The following NLRP7 variants were observed in gnomAD, a reference collection of about 807,000 sequenced individuals.
The protein encoded by NLRP7 is NACHT, LRR and PYD domains-containing protein 7.
Under a neutral mutation model 85.5 loss-of-function variants are expected in NLRP7, and 72 were observed. That is an observed-to-expected ratio of 0.84 (90% CI 0.70 to 1.02). The LOEUF is 1.02. NLRP7 is among the 50% of genes least tolerant of loss of function. The pLI, the probability that NLRP7 is intolerant of heterozygous loss-of-function variation, is 0.00. For synonymous variants in NLRP7, 550 were observed against 505.2 expected (o/e 1.09, Z -1.19); for missense variants, 1,243 against 1,219.5 (o/e 1.02, Z -0.29).
At chr19:54,940,676 ACAT>A (rs1022508147) in intron 3 of NLRP7, among the ~76,000 whole-genome samples, 1 of 151,846 alleles carries the variant, frequency 6.6e-6, no homozygotes, top group African/African-American at 2.4e-5. Flanking sequence ...AAAATACAAA[ACAT>A]TAGCTGGGGG....
At chr19:54,951,487 T>A (rs1455610502), upstream of NLRP7, among the ~76,000 whole-genome samples, 2 of 151,720 alleles carry the variant, frequency 1.3e-5, no homozygotes, top group African/African-American at 2.4e-5. Context: ...GAGGCAGAGG[T>A]TGCAGTGAGC....
At chr19:54,928,994 C>T (rs1226117387) in intron 9 of NLRP7, among the ~76,000 whole-genome samples, 1 of 152,040 alleles carries the variant, frequency 6.6e-6, no homozygotes, top group Non-Finnish European at 1.5e-5. Flanking sequence ...CACCCGTTTG[C>T]ATTGAGCTTT....
At chr19:54,925,199 G>A (rs181389138) in intron 9 of NLRP7, among the ~76,000 whole-genome samples, 3 of 152,094 alleles carry the variant, frequency 2.0e-5, no homozygotes, top group East Asian at 1.9e-4. Flanking sequence ...AAAGAAATAC[G>A]CCCCAAACAT....
At position 54,928,792 on chromosome 19, in the gene NLRP7, T is replaced by C. The variant is rs2068550973; in HGVS notation, c.2810+1707A>G. Among the ~76,000 whole-genome samples, 13 of 135,030 alleles carry C rather than the reference T, an allele frequency of 9.6e-5. No individual in the cohort carries two copies. In the South Asian group the frequency reaches 3.4e-3, roughly 35 times the overall value. The allele number at this position is 135,030 out of a possible 152,430, so 88.6% of individuals were successfully genotyped here. ...TCCCCCATAAGGCCCTGTAGGCCACTGTAGAAGCCTTTGGTTTTGTTTTTT... is the reference window on the plus strand; with the variant it reads ...TCCCCCATAAGGCCCTGTAGGCCACCGTAGAAGCCTTTGGTTTTGTTTTTT... On this transcript the variant is annotated intron_variant, in intron 9 of 9. Transcript: ENST00000340844.
intron 5 of NLRP7, among the ~76,000 whole-genome samples, chr19:54,936,810 G>T (rs2068948945): frequency 6.6e-6 from 1 of 152,174 alleles, no homozygotes; most frequent in South Asian, 2.1e-4. Context: ...AGGTATTCGG[G>T]AGGCTGAGGT....
chr19:54,929,372 A>C (rs2068576300), intron 9 of NLRP7, among the ~76,000 whole-genome samples: 1 of 149,766 alleles, frequency 6.7e-6, no homozygotes, highest in East Asian at 2.0e-4. Flanking sequence ...CTGAAAAAAG[A>C]AAAAAAGTAC....
chr19:54,956,671 G>A (rs1456404306), intron 1 of NLRP7, among the ~76,000 whole-genome samples: 1 of 149,762 alleles, frequency 6.7e-6, no homozygotes, highest in Non-Finnish European at 1.5e-5. Flanking sequence ...TCCAGCCTGG[G>A]AGACAGAGCA....
intron 8 of NLRP7, among the ~76,000 whole-genome samples, chr19:54,932,695 G>A (rs1157871635): frequency 3.3e-5 from 5 of 151,706 alleles, no homozygotes; most frequent in South Asian, 2.1e-4. Context: ...TCACTCTGTC[G>A]CCCGGGCTGG....
At chr19:54,951,591 A>G (rs948619540), upstream of NLRP7, among the ~76,000 whole-genome samples, 6 of 151,960 alleles carry the variant, frequency 3.9e-5, no homozygotes, top group Non-Finnish European at 7.4e-5. Flanking sequence ...ACAAAAAATG[A>G]AAACCCACTT....
chr19:54,945,062 AC>A (rs1022939266), intron 1 of NLRP7, among the ~76,000 whole-genome samples: 1 of 150,884 alleles, frequency 6.6e-6, no homozygotes, highest in African/African-American at 2.4e-5. Flanking sequence ...ACACGGTGAA[AC>A]CCCGTCTCTA....
chr19:54,956,786 C>A (rs114953579), intron 1 of NLRP7, among the ~76,000 whole-genome samples: 2 of 151,562 alleles, frequency 1.3e-5, no homozygotes, highest in African/African-American at 4.8e-5. Context: ...CCCAACACCA[C>A]GCCTTCTAAT....
intron 6 of NLRP7, among the ~76,000 whole-genome samples, chr19:54,935,237 A>T (rs150622513): frequency 6.9e-5 from 10 of 145,040 alleles, no homozygotes; most frequent in South Asian, 2.1e-4. Flanking sequence ...GGAAAAAAAA[A>T]TTTTTTTTTT....
upstream of NLRP7, among the ~76,000 whole-genome samples, chr19:54,951,438 T>TCGAGAGGCTGAGGCAGAATTGTTTGAACC (rs2069665310): frequency 6.6e-6 from 1 of 151,756 alleles, no homozygotes; most frequent in African/African-American, 2.4e-5. Context: ...TCCCAGCTAC[T>TCGAGAGGCTGAGGCAGAATTGTTTGAACC]CGAGAGGCTG....
Position 54,927,788 on chromosome 19 carries a change from A to G in NLRP7, c.2810+2711T>C. On this transcript the variant is annotated intron_variant, in intron 9 of 9. Coordinates refer to ENST00000340844, the Ensembl canonical transcript of NLRP7. ...GCAGCTCCAGAGGCTGTTGAGGAAG[A>G]ACATGGAAATCCACGCATTCACTGA... 4.3e-6 allele frequency: 7 copies of G among 1,612,938 alleles called. No homozygotes were observed. The highest frequency in any genetic ancestry group is 5.9e-6 in the Non-Finnish European group (7 of 1,178,998).
intron 1 of NLRP7, chr19:54,953,031 G>C (rs1024431400): frequency 6.6e-6 from 1 of 151,942 alleles, no homozygotes; most frequent in Non-Finnish European, 1.5e-5. Flanking sequence ...ACCTACTTGC[G>C]AGGCTGAGGC....
At chr19:54,943,110 G>T (rs1243244942) in intron 1 of NLRP7, among the ~76,000 whole-genome samples, 1 of 151,506 alleles carries the variant, frequency 6.6e-6, no homozygotes, top group African/African-American at 2.4e-5. Context: ...TAGCGCCATT[G>T]TACTCCAGCC....
intron 9 of NLRP7, among the ~76,000 whole-genome samples, chr19:54,926,916 T>TAAAAA (rs74177884): frequency 3.8e-5 from 1 of 26,612 alleles, no homozygotes; most frequent in Non-Finnish European, 9.7e-5. Flanking sequence ...ACTCTGTCTT[T>TAAAAA]AAAAAAAAAA....
upstream of NLRP7, among the ~76,000 whole-genome samples, chr19:54,948,556 AT>A (rs1456197583): frequency 6.6e-6 from 1 of 152,048 alleles, no homozygotes; most frequent in Non-Finnish European, 1.5e-5. Context: ...TCTCAAAAAA[AT>A]AAATAGATAA....
intron 1 of NLRP7, among the ~76,000 whole-genome samples, chr19:54,958,149 C>G (rs2069920066): frequency 6.6e-6 from 1 of 151,606 alleles, no homozygotes; most frequent in Admixed American, 6.6e-5. Context: ...GGGATTTTCT[C>G]CCTGAGGCAC....
Sources: gnomAD v4.1 joint callset for allele counts (sites outside exome capture counted in the v4.1 genomes callset) on GRCh38, gnomAD v4.1.1 for gene constraint, MANE v1.5 for transcripts, NCBI Gene and HGNC (gene_info 2026-07-23, HGNC 2026-07-21) for gene names.